The following MNAT1 variants were observed in gnomAD, a reference collection of about 807,000 sequenced individuals.
MNAT1 encodes MNAT1 component of CDK activating kinase.
In MNAT1, 43 loss-of-function variants were observed where a neutral mutation model predicts 42.0. The ratio of observed to expected loss-of-function variants is 1.02; its 90% confidence interval spans 0.80 to 1.32. The LOEUF (loss-of-function observed/expected upper bound fraction) is 1.32. Ranked by LOEUF, MNAT1 falls within the 40% of genes most tolerant of loss-of-function variation. The pLI is 0.00. For synonymous variants in MNAT1, 118 were observed against 120.0 expected (o/e 0.98, Z 0.11); for missense variants, 306 against 350.4 (o/e 0.87, Z 1.01).
At chr14:60,809,470 C>T (rs1309517070) in intron 4 of MNAT1, among the ~76,000 whole-genome samples, 1 of 152,062 alleles carries the variant, frequency 6.6e-6, no homozygotes, top group Non-Finnish European at 1.5e-5. Flanking sequence ...GTAACCTTCT[C>T]TGGGAACATC....
At chr14:60,801,167 A>T (rs1308024356) in intron 3 of MNAT1, among the ~76,000 whole-genome samples, 3 of 152,070 alleles carry the variant, frequency 2.0e-5, no homozygotes, top group African/African-American at 4.8e-5. Flanking sequence ...AAGGGCTTGG[A>T]AAAACATTTG....
At chr14:60,832,061 T>A (rs116396140) in intron 6 of MNAT1, among the ~76,000 whole-genome samples, 228 of 152,346 alleles carry the variant, frequency 1.5e-3, no homozygotes, top group African/African-American at 5.4e-3. Flanking sequence ...GTAAGTTCCT[T>A]GTGGATTCCA....
At chr14:60,754,481 G>A (rs1353738074) in intron 1 of MNAT1, among the ~76,000 whole-genome samples, 1 of 151,870 alleles carries the variant, frequency 6.6e-6, no homozygotes, top group Non-Finnish European at 1.5e-5. Flanking sequence ...CTGAGTAGCT[G>A]GGACTACAGG....
chr14:60,748,371 C>T (rs185105705), intron 1 of MNAT1, among the ~76,000 whole-genome samples: 113 of 152,186 alleles, frequency 7.4e-4, no homozygotes, highest in Middle Eastern at 3.4e-3. Flanking sequence ...GCTGCGACTC[C>T]AGGTTGGCGC....
At chr14:60,908,647 C>T (rs1458109644) in intron 7 of MNAT1, among the ~76,000 whole-genome samples, 3 of 152,112 alleles carry the variant, frequency 2.0e-5, no homozygotes, top group African/African-American at 4.8e-5. Flanking sequence ...ATAAAGGACA[C>T]GAACTCATCA....
chr14:60,948,347 C>T (rs1219119773), intron 7 of MNAT1, among the ~76,000 whole-genome samples: 2 of 152,100 alleles, frequency 1.3e-5, no homozygotes, highest in Non-Finnish European at 2.9e-5. Flanking sequence ...GGGACAATCA[C>T]TTGAGCCCAA....
chr14:60,943,213 C>A (rs2036212260), intron 7 of MNAT1, among the ~76,000 whole-genome samples: 1 of 152,000 alleles, frequency 6.6e-6, no homozygotes, highest in African/African-American at 2.4e-5. Flanking sequence ...ATAAATTATT[C>A]AGCTTTCAGA....
intron 7 of MNAT1, among the ~76,000 whole-genome samples, chr14:60,915,845 A>T (rs2035500988): frequency 6.6e-6 from 1 of 152,210 alleles, no homozygotes; most frequent in Admixed American, 6.5e-5. Context: ...CTTGAATTTT[A>T]CCTCAAACTT....
intron 6 of MNAT1, 122 bp from the exon 7 acceptor site, chr14:60,879,592 A>G: frequency 2.2e-6 from 2 of 916,962 alleles, no homozygotes; most frequent in Non-Finnish European, 3.2e-6. Flanking sequence ...CCCATGGAAC[A>G]GCACAACTAA....
chr14:60,943,508 A>G (rs1035234844), intron 7 of MNAT1, among the ~76,000 whole-genome samples: 1 of 152,172 alleles, frequency 6.6e-6, no homozygotes, highest in African/African-American at 2.4e-5. Context: ...TCTTCTGGCT[A>G]ATCTTTCAAC....
chr14:60,898,089 A>T lies in MNAT1; in HGVS notation c.809+18254A>T, dbSNP rs528453672. ...TAATTCCTTTGAATGGCTAAATAGTAATACATTGTGTGTGTGTGTGTGTGT... is the reference window on the plus strand; with the variant it reads ...TAATTCCTTTGAATGGCTAAATAGTTATACATTGTGTGTGTGTGTGTGTGT... On this transcript the variant is annotated intron_variant, in intron 7 of 7. Coordinates refer to ENST00000261245, the MANE Select transcript of MNAT1 (RefSeq NM_002431.4). 5.0e-4 allele frequency among the ~76,000 whole-genome samples: 69 copies of T among 136,958 alleles called. 1 individual carries two copies. The Middle Eastern group carries it at 0.021, about 42-fold the overall frequency. The allele number at this position is 136,958 out of a possible 152,430, so 89.8% of individuals were successfully genotyped here.
intron 1 of MNAT1, among the ~76,000 whole-genome samples, chr14:60,790,088 G>C (rs1231877923): frequency 6.6e-6 from 1 of 152,058 alleles, no homozygotes; most frequent in African/African-American, 2.4e-5. Flanking sequence ...ATTGTGCAAT[G>C]GGCAGTGTGT....
chr14:60,929,049 A>G (rs2035823932), intron 7 of MNAT1, among the ~76,000 whole-genome samples: 1 of 150,142 alleles, frequency 6.7e-6, no homozygotes. Flanking sequence ...CAGAAGGCTG[A>G]GGCAGGAGAA....
intron 7 of MNAT1, among the ~76,000 whole-genome samples, chr14:60,954,795 T>C (rs1438739439): frequency 6.6e-6 from 1 of 152,186 alleles, no homozygotes; most frequent in Non-Finnish European, 1.5e-5. Context: ...GGCTTATTCC[T>C]AATTTTAAAG....
chr14:60,963,486 C>A (rs1374672218), intron 7 of MNAT1, among the ~76,000 whole-genome samples: 2 of 152,128 alleles, frequency 1.3e-5, no homozygotes, highest in African/African-American at 2.4e-5. Flanking sequence ...TGTGTGAGCG[C>A]ACTGTTGCTC....
chr14:60,794,138 C>G (rs1172273998), intron 1 of MNAT1, among the ~76,000 whole-genome samples: 2 of 152,098 alleles, frequency 1.3e-5, no homozygotes, highest in African/African-American at 4.8e-5. Context: ...GTAATTTTGA[C>G]TATTTTGGAT....
At chr14:60,736,768 T>C (rs1307704570) in intron 1 of MNAT1, among the ~76,000 whole-genome samples, 1 of 152,142 alleles carries the variant, frequency 6.6e-6, no homozygotes, top group Non-Finnish European at 1.5e-5. Flanking sequence ...ATAGAGAAAA[T>C]AGTGCTGCTT....
At chr14:60,954,334 A>G (rs1378616132) in intron 7 of MNAT1, among the ~76,000 whole-genome samples, 1 of 152,172 alleles carries the variant, frequency 6.6e-6, no homozygotes, top group Non-Finnish European at 1.5e-5. Flanking sequence ...CATTTTATCA[A>G]TGTTAATTCT....
chr14:60,886,154 G>A (rs1464617010), intron 7 of MNAT1, among the ~76,000 whole-genome samples: 5 of 151,960 alleles, frequency 3.3e-5, no homozygotes, highest in Non-Finnish European at 7.4e-5. Context: ...CTATAGCTTT[G>A]TAATATTATC....
Sources: allele counts gnomAD v4.1 joint callset (sites outside exome capture counted in the v4.1 genomes callset), GRCh38; gene constraint gnomAD v4.1.1; transcripts MANE v1.5; gene names NCBI Gene and HGNC (gene_info 2026-07-23, HGNC 2026-07-21).